SERTM1: variants seen among roughly 807,000 people sequenced by gnomAD.
The protein encoded by SERTM1 is serine-rich and transmembrane domain-containing protein 1.
Under a neutral mutation model 5.5 loss-of-function variants are expected in SERTM1, and 1 was observed. That is an observed-to-expected ratio of 0.18 (90% CI 0.06 to 0.86). The LOEUF (loss-of-function observed/expected upper bound fraction) is 0.86, where lower values mean the gene tolerates loss of function less well. Ranked by LOEUF, SERTM1 falls within the 40% of genes least tolerant of loss-of-function variation. The pLI, the probability that SERTM1 is intolerant of heterozygous loss-of-function variation, is 0.69. For missense variants in SERTM1, 91 were observed against 122.4 expected (o/e 0.74, Z 1.21); for synonymous variants, 52 against 55.1 (o/e 0.94, Z 0.25).
At chr13:36,677,364 C>T (rs1313694164) in intron 1 of SERTM1, among the ~76,000 whole-genome samples, 1 of 152,118 alleles carries the variant, frequency 6.6e-6, no homozygotes, top group Non-Finnish European at 1.5e-5. Context: ...AAATGGGGTA[C>T]ATCACTAATA....
chr13:36,696,167 A>G lies in SERTM1; in HGVS notation c.*765A>G, dbSNP rs1192444117. On this transcript the variant is annotated 3_prime_UTR_variant, in exon 2 of 2. Transcript: ENST00000315190. ...ATTAATTGCTGTTACTAGTACTAAG[A>G]GAAGCACCAGAAGAGATGCCAAGAA... 1 of 166,964 alleles carries G rather than the reference A, an allele frequency of 6.0e-6. No homozygotes were observed. The highest frequency in any genetic ancestry group is 1.5e-5 in the Non-Finnish European group (1 of 68,124). 10.3% of individuals were successfully genotyped at this position (166,964 alleles called of 1,614,324 possible).
intron 1 of SERTM1, among the ~76,000 whole-genome samples, chr13:36,675,893 TG>T (rs1566225240): frequency 6.6e-6 from 1 of 152,212 alleles, no homozygotes; most frequent in Non-Finnish European, 1.5e-5. Flanking sequence ...GTTTTGGCTT[TG>T]AGGGGCTTAT....
chr13:36,686,430 C>T (rs1048184185), intron 1 of SERTM1, among the ~76,000 whole-genome samples: 1 of 152,186 alleles, frequency 6.6e-6, no homozygotes, highest in Non-Finnish European at 1.5e-5. Context: ...CTTCAACTTG[C>T]ACGTTGCAAA....
intron 1 of SERTM1, among the ~76,000 whole-genome samples, chr13:36,694,261 A>G (rs1019949961): frequency 3.3e-5 from 5 of 152,206 alleles, no homozygotes; most frequent in Non-Finnish European, 5.9e-5. Flanking sequence ...TACTCTCTCT[A>G]CCATTCGGAG....
chr13:36,688,751 C>T (rs1382856799), intron 1 of SERTM1, among the ~76,000 whole-genome samples: 1 of 152,134 alleles, frequency 6.6e-6, no homozygotes, highest in Non-Finnish European at 1.5e-5. Flanking sequence ...CTTCTTTCTT[C>T]CCATTGATTC....
chr13:36,682,766 C>A (rs373732035), intron 1 of SERTM1, among the ~76,000 whole-genome samples: 1 of 152,166 alleles, frequency 6.6e-6, no homozygotes, highest in South Asian at 2.1e-4. Context: ...GGCAACTATA[C>A]AAATTATAGA....
intron 1 of SERTM1, among the ~76,000 whole-genome samples, chr13:36,675,446 G>A (rs1433713988): frequency 6.6e-6 from 1 of 152,164 alleles, no homozygotes; most frequent in Non-Finnish European, 1.5e-5. Flanking sequence ...AGGAAAAGAG[G>A]CACAAGTGAC....
chr13:36,680,870 T>C (rs1760265461), intron 1 of SERTM1, among the ~76,000 whole-genome samples: 1 of 152,126 alleles, frequency 6.6e-6, no homozygotes, highest in African/African-American at 2.4e-5. Context: ...TCCTGTTTTT[T>C]AATAGGGGAA....
In SERTM1 at chr13:36,696,773, A is replaced by C. The variant is rs1232986615; in HGVS notation, c.*1371A>C. On this transcript the variant is annotated 3_prime_UTR_variant, in exon 2 of 2. Coordinates refer to ENST00000315190, the MANE Select transcript of SERTM1 (RefSeq NM_203451.3). ...AAAATAAATGGCCCACAGGGTAAAC[A>C]CTGAACTTATTCAACCTACAGGAGG... is the stretch of plus-strand genomic sequence containing the variant. 6.0e-6 allele frequency: 1 copy of C among 167,066 alleles called. No homozygotes were observed. The highest frequency in any genetic ancestry group is 1.9e-4 in the East Asian group (1 of 5,200). 10.3% of individuals were successfully genotyped at this position (167,066 alleles called of 1,614,324 possible). A position where few individuals can be genotyped will look rare whatever the true frequency, so the allele number is the denominator to read the frequency against.
Position 36,695,215 on chromosome 13 carries a change from C to G in SERTM1, c.137C>G (p.Ser46Cys). 1 of 1,614,202 alleles carries G rather than the reference C, an allele frequency of 6.2e-7. No individual in the cohort carries two copies. Among genetic ancestry groups the G allele is most frequent in the Non-Finnish European group, 8.5e-7 (1 of 1,180,034 alleles). ...CTGTCAAACGTCTACATCTATGTGT[C>G]CATATTCCTCAGCCTTTTAGCGTTT... is the stretch of plus-strand genomic sequence containing the variant. Reference protein sequence around the residue: ...GHLSNVYIYVSIFLSLLAFLL... With the variant: ...GHLSNVYIYVCIFLSLLAFLL... Residue 46 changes from serine (S) to cysteine (C), a missense_variant, in exon 2 of 2, where the codon TCC (serine) becomes TGC (cysteine). Coordinates refer to ENST00000315190, the MANE Select transcript of SERTM1 (RefSeq NM_203451.3).
At chr13:36,674,808 T>A (rs1206244664) in intron 1 of SERTM1, among the ~76,000 whole-genome samples, 3 of 152,044 alleles carry the variant, frequency 2.0e-5, no homozygotes, top group Non-Finnish European at 4.4e-5. Context: ...CGGGGAAGTT[T>A]TATGTGGCGC....
intron 1 of SERTM1, among the ~76,000 whole-genome samples, chr13:36,674,707 C>T (rs2056659100): frequency 6.6e-6 from 1 of 152,074 alleles, no homozygotes; most frequent in South Asian, 2.1e-4. Flanking sequence ...TTCTCGGGAA[C>T]GGGGACTCGC....
At chr13:36,687,282 T>C (rs559100511) in intron 1 of SERTM1, among the ~76,000 whole-genome samples, 3 of 152,322 alleles carry the variant, frequency 2.0e-5, no homozygotes, top group African/African-American at 7.2e-5. Flanking sequence ...TTTATGCATA[T>C]TTGTGATGTT....
In SERTM1 at chr13:36,691,890, G is replaced by C. The variant is rs1408406868; in HGVS notation, c.-173-3016G>C. On this transcript the variant is annotated intron_variant, in intron 1 of 1. Coordinates refer to ENST00000315190, the MANE Select transcript of SERTM1 (RefSeq NM_203451.3). ...AAACACATACAGGCTGGGTCACCCT[G>C]AGCATTATACAGCTACTGTTAAATA... Among the ~76,000 whole-genome samples the C allele has an allele frequency of 2.6e-5, 4 of 152,148 alleles. No individual in the cohort carries two copies. In the East Asian group the frequency reaches 7.7e-4, roughly 29 times the overall value.
chr13:36,697,323 A>ATG lies in SERTM1; in HGVS notation c.*1922_*1923insGT, dbSNP rs1211328176. 1.2e-5 allele frequency: 2 copies of ATG among 163,028 alleles called. No homozygotes were observed. The highest frequency in any genetic ancestry group is 4.9e-5 in the African/African-American group (2 of 40,590). 10.1% of individuals were successfully genotyped at this position (163,028 alleles called of 1,614,324 possible). ...CACACACACACATAAATATATATAT[A>ATG]TATATATATATATAAACTCACATAC... On this transcript the variant is annotated 3_prime_UTR_variant, in exon 2 of 2. Transcript: ENST00000315190.
At chr13:36,693,963 C>G (rs2056796198) in intron 1 of SERTM1, among the ~76,000 whole-genome samples, 1 of 152,030 alleles carries the variant, frequency 6.6e-6, no homozygotes, top group Admixed American at 6.6e-5. Flanking sequence ...GAAATGGTCC[C>G]CCCTCCACAC....
chr13:36,679,075 A>C (rs2056687380), intron 1 of SERTM1, among the ~76,000 whole-genome samples: 2 of 152,192 alleles, frequency 1.3e-5, no homozygotes, highest in African/African-American at 4.8e-5. Context: ...ACAGATCATA[A>C]AGACATAAGA....
intron 1 of SERTM1, among the ~76,000 whole-genome samples, chr13:36,678,240 A>G (rs2056681531): frequency 6.6e-6 from 1 of 152,212 alleles, no homozygotes; most frequent in Non-Finnish European, 1.5e-5. Flanking sequence ...GAATGTTAAC[A>G]TGCCCCCATA....
chr13:36,677,889 C>A (rs1238228184), intron 1 of SERTM1, among the ~76,000 whole-genome samples: 2 of 152,078 alleles, frequency 1.3e-5, no homozygotes, highest in Admixed American at 6.6e-5. Context: ...AGAACATTGA[C>A]AACATCCTGT....
Sources: allele counts gnomAD v4.1 joint callset (sites outside exome capture counted in the v4.1 genomes callset), GRCh38; gene constraint gnomAD v4.1.1; transcripts MANE v1.5; gene names NCBI Gene and HGNC (gene_info 2026-07-23, HGNC 2026-07-21).